RGS3: variants seen among roughly 807,000 people sequenced by gnomAD.
RGS3 encodes regulator of G protein signaling 3.
RGS3 carries 80 observed loss-of-function variants against 132.6 expected under a neutral mutation model. The observed-to-expected ratio is 0.60, with a 90% CI of 0.50 to 0.73. RGS3 has a LOEUF of 0.73. Ranked by LOEUF, RGS3 falls within the 30% of genes least tolerant of loss-of-function variation. The pLI is 0.00. For synonymous variants in RGS3, 598 were observed against 620.6 expected (o/e 0.96, Z 0.54); for missense variants, 1,382 against 1,530.8 (o/e 0.90, Z 1.62).
chr9:113,479,958 C>A (rs2119212604), intron 4 of RGS3, among the ~76,000 whole-genome samples: 1 of 152,244 alleles, frequency 6.6e-6, no homozygotes, highest in African/African-American at 2.4e-5. Flanking sequence ...AGATCATAGT[C>A]TTTGGAGCCA....
At chr9:113,483,770 C>G (rs938853734) in intron 5 of RGS3, among the ~76,000 whole-genome samples, 2 of 152,172 alleles carry the variant, frequency 1.3e-5, no homozygotes, top group South Asian at 2.1e-4. Context: ...TGACCTGGAG[C>G]CTTCGTGAAG....
At chr9:113,492,473 C>G (rs116349941) in intron 7 of RGS3, among the ~76,000 whole-genome samples, 4 of 152,176 alleles carry the variant, frequency 2.6e-5, no homozygotes, top group Non-Finnish European at 4.4e-5. Flanking sequence ...ATTTAAATTC[C>G]TGGATGTTTG....
chr9:113,501,481 G>C lies in RGS3; in HGVS notation c.897+3401G>C, dbSNP rs1253357442. The C allele has an allele frequency of 2.0e-6, 3 of 1,511,624 alleles. No individual in the cohort carries two copies. The African/African-American group carries it at 4.1e-5, about 21-fold the overall frequency. The allele number at this position is 1,511,624 out of a possible 1,614,324, so 93.6% of individuals were successfully genotyped here. A position where few individuals can be genotyped will look rare whatever the true frequency, so the allele number is the denominator to read the frequency against. On this transcript the variant is annotated intron_variant, in intron 10 of 24. Transcript: ENST00000350696. ...TTCTTCTGTGGGGCGGGCTTCCCAG[G>C]GTGCTCATGCCAGGCTGACGGGTCC...
intron 4 of RGS3, among the ~76,000 whole-genome samples, chr9:113,481,040 G>T (rs1285851627): frequency 7.2e-5 from 11 of 152,178 alleles, no homozygotes; most frequent in Non-Finnish European, 4.4e-5. Context: ...TGTTCACTGT[G>T]CCTGGAATAA....
At chr9:113,518,671 C>T (rs116719949) in intron 16 of RGS3, among the ~76,000 whole-genome samples, 1,713 of 152,298 alleles carry the variant, frequency 0.011, 26 homozygotes, top group African/African-American at 0.038. Context: ...TGCATGCTCC[C>T]TTCCACCGCT....
Position 113,512,764 on chromosome 9 carries a change from G to A in RGS3, c.1478-1694G>A, listed in dbSNP as rs563605661. Among the ~76,000 whole-genome samples the A allele has an allele frequency of 3.0e-4, 45 of 152,342 alleles. 1 individual carries two copies. In the South Asian group the frequency reaches 9.3e-3, roughly 32 times the overall value. On this transcript the variant is annotated intron_variant, in intron 14 of 24. Transcript: ENST00000350696. Reference sequence around the variant, plus strand: ...CTGGTAGTTGCCCATACAGTAGCAGGAATGCCTTAGAAGGGGCCCAGGAGT... The same window carrying A: ...CTGGTAGTTGCCCATACAGTAGCAGAAATGCCTTAGAAGGGGCCCAGGAGT...
intron 1 of RGS3, among the ~76,000 whole-genome samples, chr9:113,460,974 G>T (rs917977503): frequency 1.3e-5 from 2 of 152,072 alleles, no homozygotes; most frequent in African/African-American, 4.8e-5. Context: ...TGGTATATAT[G>T]TAGTGTATGT....
intron 7 of RGS3, among the ~76,000 whole-genome samples, chr9:113,488,661 G>A (rs1309642160): frequency 1.3e-5 from 2 of 152,208 alleles, no homozygotes; most frequent in East Asian, 3.8e-4. Flanking sequence ...ATGGGGCAGT[G>A]TCTCCACGTG....
intron 19 of RGS3, among the ~76,000 whole-genome samples, chr9:113,561,313 CTG>C (rs1833770843): frequency 6.6e-6 from 1 of 152,020 alleles, no homozygotes; most frequent in Admixed American, 6.6e-5. Context: ...GTGTGAGCCA[CTG>C]TGCCTGGCCT....
At chr9:113,465,942 T>A (rs1306549607) in intron 3 of RGS3, among the ~76,000 whole-genome samples, 1 of 152,234 alleles carries the variant, frequency 6.6e-6, no homozygotes, top group Non-Finnish European at 1.5e-5. Context: ...GCTGCTGATT[T>A]TCTTTATCCA....
intron 8 of RGS3, 22 bp downstream of exon 6, chr9:113,495,868 G>T (rs140908081): frequency 6.2e-7 from 1 of 1,607,396 alleles, no homozygotes; most frequent in Non-Finnish European, 8.5e-7. Context: ...GGATGCTTCT[G>T]TCAGGATCAT....
intron 1 of RGS3, among the ~76,000 whole-genome samples, chr9:113,460,813 T>G (rs118083161): frequency 0.024 from 3,721 of 152,342 alleles, 66 homozygotes; most frequent in Admixed American, 0.037. Flanking sequence ...AGAGTTATTG[T>G]GAAAATGCAC....
At chr9:113,573,454 C>T (rs1224416363) in intron 19 of RGS3, among the ~76,000 whole-genome samples, 2 of 152,178 alleles carry the variant, frequency 1.3e-5, no homozygotes, top group African/African-American at 2.4e-5. Flanking sequence ...CGTGAGGAAG[C>T]GGCACACTGG....
At chr9:113,558,124 G>A (rs1036193445) in intron 19 of RGS3, among the ~76,000 whole-genome samples, 16 of 152,002 alleles carry the variant, frequency 1.1e-4, no homozygotes, top group Non-Finnish European at 1.5e-4. Flanking sequence ...AGAGGTGAGA[G>A]ATCCACAGGA....
chr9:113,534,610 A>ATTT (rs58115176), intron 18 of RGS3, among the ~76,000 whole-genome samples: 1 of 128,754 alleles, frequency 7.8e-6, no homozygotes, highest in African/African-American at 2.8e-5. Context: ...GTACAGATGA[A>ATTT]TTTTTTTTTT....
chr9:113,552,151 A>G (rs930982760), intron 19 of RGS3, among the ~76,000 whole-genome samples: 9 of 152,148 alleles, frequency 5.9e-5, no homozygotes, highest in African/African-American at 2.2e-4. Context: ...TTAACTCTTA[A>G]TATTTTAATC....
At chr9:113,595,958 C>G (rs547778566) in intron 24 of RGS3, among the ~76,000 whole-genome samples, 193 bp downstream of exon 22, 1 of 152,250 alleles carries the variant, frequency 6.6e-6, no homozygotes, top group Non-Finnish European at 1.5e-5. Flanking sequence ...AAATGGCCAC[C>G]ACCAAGGCAC....
chr9:113,583,609 G>A (rs1834936154), exon 20 of RGS3: 1 of 1,614,008 alleles, frequency 6.2e-7, no homozygotes, highest in Admixed American at 1.7e-5. Context: ...TTCTGGGCAG[G>A]AACCCGCTCC....
intron 3 of RGS3, chr9:113,479,239 T>A: frequency 1.8e-6 from 1 of 541,902 alleles, no homozygotes; most frequent in Non-Finnish European, 3.3e-6. Flanking sequence ...TGTACAGTAG[T>A]GAGCTCCCCA....
Sources: allele counts gnomAD v4.1 joint callset (sites outside exome capture counted in the v4.1 genomes callset), GRCh38; gene constraint gnomAD v4.1.1; transcripts MANE v1.5; gene names NCBI Gene and HGNC (gene_info 2026-07-23, HGNC 2026-07-21).